The following WDFY2 variants were observed in gnomAD, a reference collection of about 807,000 sequenced individuals.
WDFY2 encodes WD repeat and FYVE domain-containing protein 2.
WDFY2 carries 36 observed loss-of-function variants against 56.4 expected under a neutral mutation model. The ratio of observed to expected loss-of-function variants is 0.64; its 90% CI spans 0.49 to 0.84. The LOEUF (loss-of-function observed/expected upper bound fraction) is 0.84. Among genes scored for constraint, WDFY2 ranks in the 40% least tolerant of loss-of-function variants. The pLI is 0.00. For synonymous variants in WDFY2, 176 were observed against 183.7 expected (o/e 0.96, Z 0.34); for missense variants, 444 against 512.2 (o/e 0.87, Z 1.29).
intron 1 of WDFY2, among the ~76,000 whole-genome samples, chr13:51,657,326 T>A (rs1293253099): frequency 6.6e-6 from 1 of 152,136 alleles, no homozygotes; most frequent in Non-Finnish European, 1.5e-5. Context: ...AAATATACAG[T>A]GATACTTACT....
At chr13:51,641,491 A>C (rs1322824645) in intron 1 of WDFY2, among the ~76,000 whole-genome samples, 2 of 152,024 alleles carry the variant, frequency 1.3e-5, no homozygotes, top group Admixed American at 6.6e-5. Context: ...TGCATGATTG[A>C]ATTCCTCTTT....
chr13:51,698,954 A>AC (rs1010763605), intron 3 of WDFY2, among the ~76,000 whole-genome samples: 1 of 152,262 alleles, frequency 6.6e-6, no homozygotes, highest in African/African-American at 2.4e-5. Flanking sequence ...ATTTAGTAAG[A>AC]CAGTTACAAA....
intron 4 of WDFY2, among the ~76,000 whole-genome samples, chr13:51,707,938 A>AATTTTT (rs1952120038): frequency 1.3e-5 from 1 of 78,468 alleles, no homozygotes; most frequent in African/African-American, 5.6e-5. Context: ...CCCTAAAACA[A>AATTTTT]CTTTTTTTTT....
intron 1 of WDFY2, chr13:51,590,037 C>T (rs1047008535): frequency 6.6e-6 from 1 of 152,174 alleles, no homozygotes; most frequent in African/African-American, 2.4e-5. Context: ...AGGAGGCTTA[C>T]TAGAGGAGGA....
intron 3 of WDFY2, among the ~76,000 whole-genome samples, chr13:51,686,806 C>A (rs955449635): frequency 6.6e-6 from 1 of 151,946 alleles, no homozygotes; most frequent in Non-Finnish European, 1.5e-5. Flanking sequence ...ATGTACTGTT[C>A]TATTTTTCAG....
intron 10 of WDFY2, 30 bp from the exon 11 acceptor site, chr13:51,758,162 C>T (rs1466983555): frequency 4.6e-6 from 7 of 1,513,808 alleles, no homozygotes; most frequent in Non-Finnish European, 6.3e-6. Flanking sequence ...ACCACCTTTT[C>T]CCCTCAGAAG....
At chr13:51,733,643 T>C (rs1566201006) in intron 6 of WDFY2, among the ~76,000 whole-genome samples, 3 of 151,932 alleles carry the variant, frequency 2.0e-5, no homozygotes, top group Non-Finnish European at 4.4e-5. Flanking sequence ...ACTGCTGGAG[T>C]CCCTTGGAAA....
intron 10 of WDFY2, among the ~76,000 whole-genome samples, chr13:51,757,457 G>GAAA (rs34923461): frequency 6.5e-5 from 9 of 137,538 alleles, no homozygotes; most frequent in Admixed American, 1.5e-4. Flanking sequence ...TAGAAAAAAG[G>GAAA]AAAAAAAAAA....
intron 1 of WDFY2, among the ~76,000 whole-genome samples, chr13:51,600,453 T>C (rs576839169): frequency 1.3e-5 from 2 of 152,356 alleles, no homozygotes; most frequent in East Asian, 3.9e-4. Flanking sequence ...CCTCATTCTT[T>C]CTTGCTCACA....
At chr13:51,696,481 G>T (rs964959673) in intron 3 of WDFY2, among the ~76,000 whole-genome samples, 4 of 151,944 alleles carry the variant, frequency 2.6e-5, no homozygotes, top group Non-Finnish European at 5.9e-5. Context: ...AATCATTTTG[G>T]TTCCGGCAAA....
intron 1 of WDFY2, chr13:51,589,958 C>T (rs558719679): frequency 9.2e-5 from 14 of 152,282 alleles, no homozygotes; most frequent in African/African-American, 3.1e-4. Flanking sequence ...AACAGGCTGC[C>T]TCTGTGTTTC....
chr13:51,700,378 G>A (rs1000617315), intron 3 of WDFY2, among the ~76,000 whole-genome samples: 1 of 152,176 alleles, frequency 6.6e-6, no homozygotes, highest in African/African-American at 2.4e-5. Flanking sequence ...TTTCAAATGT[G>A]TATATCTTTG....
At chr13:51,621,437 G>A (rs1484921281) in intron 1 of WDFY2, among the ~76,000 whole-genome samples, 2 of 152,110 alleles carry the variant, frequency 1.3e-5, no homozygotes, top group Non-Finnish European at 2.9e-5. Context: ...CCCGGGAGGC[G>A]GAGTTTGCAG....
chr13:51,646,030 A>G (rs1196016696), intron 1 of WDFY2, among the ~76,000 whole-genome samples: 1 of 152,162 alleles, frequency 6.6e-6, no homozygotes, highest in African/African-American at 2.4e-5. Flanking sequence ...CCAAGTCCTG[A>G]TGCTTCTACT....
At chr13:51,743,776 G>A (rs1953029672) in intron 7 of WDFY2, among the ~76,000 whole-genome samples, 2 of 152,214 alleles carry the variant, frequency 1.3e-5, no homozygotes, top group Non-Finnish European at 2.9e-5. Context: ...CAGTTTTACT[G>A]GAAAGTGGGA....
At chr13:51,654,352 G>A (rs9568647) in intron 1 of WDFY2, among the ~76,000 whole-genome samples, 17 of 152,072 alleles carry the variant, frequency 1.1e-4, no homozygotes, top group African/African-American at 1.2e-4. Context: ...TGTGCTTCCC[G>A]GGTGAGGTGA....
chr13:51,610,203 T>C (rs1465168872), intron 1 of WDFY2, among the ~76,000 whole-genome samples: 2 of 151,512 alleles, frequency 1.3e-5, no homozygotes, highest in African/African-American at 2.4e-5. Flanking sequence ...CTCAGAGTTA[T>C]CATCTTTGCT....
intron 8 of WDFY2, among the ~76,000 whole-genome samples, chr13:51,752,563 A>G (rs748212029): frequency 2.0e-5 from 3 of 152,176 alleles, no homozygotes; most frequent in Non-Finnish European, 2.9e-5. Context: ...GGAGGGGAGA[A>G]GGACCCAATT....
At chr13:51,625,190 G>A (rs556850641) in intron 1 of WDFY2, among the ~76,000 whole-genome samples, 1 of 152,218 alleles carries the variant, frequency 6.6e-6, no homozygotes, top group African/African-American at 2.4e-5. Context: ...ATGGTGGCCA[G>A]GGTGGTAAGA....
Sources: gnomAD v4.1 joint callset for allele counts (sites outside exome capture counted in the v4.1 genomes callset) on GRCh38, gnomAD v4.1.1 for gene constraint, MANE v1.5 for transcripts, NCBI Gene and HGNC (gene_info 2026-07-23, HGNC 2026-07-21) for gene names.